CNTNAP5: variants seen among roughly 807,000 people sequenced by gnomAD.
CNTNAP5 encodes contactin associated protein family member 5.
CNTNAP5 carries 72 observed loss-of-function variants against 150.2 expected under a neutral mutation model. That is an observed-to-expected ratio of 0.48 (90% confidence interval 0.40 to 0.58). The LOEUF is 0.58. Ranked by LOEUF, CNTNAP5 falls within the 20% of genes least tolerant of loss-of-function variation. CNTNAP5 has a pLI of 0.00. For synonymous variants in CNTNAP5, 672 were observed against 619.8 expected (o/e 1.08, Z -1.25); for missense variants, 1,636 against 1,626.2 (o/e 1.01, Z -0.10).
intron 4 of CNTNAP5, among the ~76,000 whole-genome samples, chr2:124,432,630 C>A (rs995464804): frequency 1.3e-5 from 2 of 152,136 alleles, no homozygotes; most frequent in African/African-American, 4.8e-5. Context: ...CAGTCTGGTA[C>A]AGTGGCAGAG....
intron 8 of CNTNAP5, among the ~76,000 whole-genome samples, chr2:124,515,900 T>C (rs1346294220): frequency 6.6e-6 from 1 of 152,176 alleles, no homozygotes; most frequent in Non-Finnish European, 1.5e-5. Flanking sequence ...ATTTTCATTC[T>C]CTGGGCTCCA....
chr2:124,080,568 C>T (rs1047899234), intron 1 of CNTNAP5, among the ~76,000 whole-genome samples: 6 of 152,094 alleles, frequency 3.9e-5, no homozygotes, highest in Admixed American at 2.0e-4. Flanking sequence ...AAAATTCATC[C>T]GAGGGAACAC....
chr2:124,682,896 A>G (rs930664256), intron 13 of CNTNAP5, among the ~76,000 whole-genome samples: 2 of 152,180 alleles, frequency 1.3e-5, no homozygotes, highest in Admixed American at 1.3e-4. Flanking sequence ...CAATCTAGGA[A>G]CTTAACCAAA....
intron 3 of CNTNAP5, among the ~76,000 whole-genome samples, chr2:124,271,654 T>G (rs990151465): frequency 2.1e-5 from 3 of 144,182 alleles, no homozygotes; most frequent in African/African-American, 7.9e-5. Context: ...TTTAGTTTTT[T>G]TTTAATCTAT....
chr2:124,614,353 G>A (rs1677451151), intron 12 of CNTNAP5, among the ~76,000 whole-genome samples: 1 of 152,146 alleles, frequency 6.6e-6, no homozygotes, highest in Admixed American at 6.6e-5. Context: ...GAAAGAATTT[G>A]GGGAGAGTCT....
intron 1 of CNTNAP5, among the ~76,000 whole-genome samples, chr2:124,130,337 C>T (rs1230258986): frequency 6.6e-6 from 1 of 151,890 alleles, no homozygotes; most frequent in East Asian, 1.9e-4. Context: ...AACACAGTGC[C>T]CTGTTGCCAA....
chr2:124,611,655 A>G (rs1282738453), intron 12 of CNTNAP5, among the ~76,000 whole-genome samples: 2 of 152,230 alleles, frequency 1.3e-5, no homozygotes, highest in African/African-American at 4.8e-5. Flanking sequence ...ATTCCAATTC[A>G]GTAAATGCAC....
intron 19 of CNTNAP5, among the ~76,000 whole-genome samples, chr2:124,818,080 G>C (rs987740698): frequency 6.6e-6 from 1 of 152,166 alleles, no homozygotes; most frequent in African/African-American, 2.4e-5. Context: ...ATATAGCTAA[G>C]ATGTGACACT....
chr2:124,612,552 A>C (rs996030907), intron 12 of CNTNAP5, among the ~76,000 whole-genome samples: 1 of 152,142 alleles, frequency 6.6e-6, no homozygotes, highest in Non-Finnish European at 1.5e-5. Flanking sequence ...TCATTTGTCC[A>C]AGAATGGCTA....
At chr2:124,552,549 C>T (rs1156974737) in intron 10 of CNTNAP5, among the ~76,000 whole-genome samples, 1 of 152,168 alleles carries the variant, frequency 6.6e-6, no homozygotes, top group African/African-American at 2.4e-5. Flanking sequence ...GAGACCATTT[C>T]CTCCATCAGC....
intron 1 of CNTNAP5, among the ~76,000 whole-genome samples, chr2:124,134,688 A>G (rs1464278859): frequency 1.3e-5 from 2 of 152,202 alleles, no homozygotes; most frequent in Non-Finnish European, 2.9e-5. Flanking sequence ...AATTGGCTGC[A>G]GTCAATAGTC....
intron 1 of CNTNAP5, among the ~76,000 whole-genome samples, chr2:124,174,604 AGT>A (rs1459894291): frequency 1.3e-5 from 2 of 152,190 alleles, no homozygotes; most frequent in African/African-American, 4.8e-5. Flanking sequence ...TAGACTCTAA[AGT>A]GTGAGACGTT....
At chr2:124,607,523 A>C (rs1677275793) in intron 11 of CNTNAP5, among the ~76,000 whole-genome samples, 1 of 152,166 alleles carries the variant, frequency 6.6e-6, no homozygotes, top group African/African-American at 2.4e-5. Flanking sequence ...AGTCCAGCCC[A>C]CTTGGAGGGA....
intron 1 of CNTNAP5, among the ~76,000 whole-genome samples, chr2:124,027,665 C>T (rs929559777): frequency 2.6e-5 from 4 of 152,178 alleles, no homozygotes; most frequent in African/African-American, 4.8e-5. Flanking sequence ...TAATTCTGAA[C>T]ATTTAAAATG....
At chr2:124,447,008 C>A in intron 6 of CNTNAP5, 71 bp downstream of exon 6, 3 of 1,452,272 alleles carry the variant, frequency 2.1e-6, no homozygotes, top group Non-Finnish European at 2.9e-6. Flanking sequence ...AATCAGTGAG[C>A]AGACCAACTG....
chr2:124,274,708 T>C (rs1288107939), intron 3 of CNTNAP5, among the ~76,000 whole-genome samples: 2 of 150,314 alleles, frequency 1.3e-5, no homozygotes, highest in Non-Finnish European at 3.0e-5. Context: ...AGTTTTCTTT[T>C]AGAGGTGGAA....
At chr2:124,238,992 C>T (rs973096298) in intron 2 of CNTNAP5, among the ~76,000 whole-genome samples, 3 of 152,156 alleles carry the variant, frequency 2.0e-5, no homozygotes, top group Non-Finnish European at 4.4e-5. Flanking sequence ...AGCATCCCTC[C>T]ATTTTAAAAG....
intron 3 of CNTNAP5, among the ~76,000 whole-genome samples, chr2:124,331,184 A>T (rs1405492820): frequency 1.9e-4 from 29 of 152,146 alleles, no homozygotes; most frequent in Admixed American, 1.8e-3. Context: ...AAAACATCAG[A>T]ATAAAACAAT....
At chr2:124,054,112 T>C (rs2104645845) in intron 1 of CNTNAP5, among the ~76,000 whole-genome samples, 1 of 152,300 alleles carries the variant, frequency 6.6e-6, no homozygotes, top group East Asian at 1.9e-4. Flanking sequence ...CTGAAACAAT[T>C]TGACTTGAAG....
Sources: allele counts gnomAD v4.1 joint callset (sites outside exome capture counted in the v4.1 genomes callset), GRCh38; gene constraint gnomAD v4.1.1; transcripts MANE v1.5; gene names NCBI Gene and HGNC (gene_info 2026-07-23, HGNC 2026-07-21).